The following STXBP5 variants were observed in gnomAD, a reference collection of about 807,000 sequenced individuals.
The protein encoded by STXBP5 is syntaxin binding protein 5.
A neutral mutation model predicts 152.4 loss-of-function variants in STXBP5; 50 were observed. The ratio of observed to expected loss-of-function variants is 0.33; its 90% CI spans 0.26 to 0.42. STXBP5 has a LOEUF of 0.42. STXBP5 is among the 10% of genes least tolerant of loss of function. STXBP5 has a pLI of 1.00. For missense variants in STXBP5, 1,167 were observed against 1,388.6 expected, an observed-to-expected ratio of 0.84 and a Z score of 2.54; for synonymous variants, 492 against 494.7, an observed-to-expected ratio of 0.99 and a Z score of 0.07.
At chr6:147,298,216 G>A (rs952959410) in intron 9 of STXBP5, among the ~76,000 whole-genome samples, 9 of 151,934 alleles carry the variant, frequency 5.9e-5, no homozygotes, top group South Asian at 2.1e-4. Context: ...GATAAAATAG[G>A]CGTTAAATCA....
intron 8 of STXBP5, among the ~76,000 whole-genome samples, chr6:147,290,200 C>T (rs559647560): frequency 6.6e-6 from 1 of 152,058 alleles, no homozygotes; most frequent in South Asian, 2.1e-4. Context: ...AGGAGTGAGA[C>T]CTTGTCTCAA....
chr6:147,257,858 C>T (rs970002877), intron 4 of STXBP5, among the ~76,000 whole-genome samples: 7 of 152,142 alleles, frequency 4.6e-5, no homozygotes, highest in African/African-American at 1.7e-4. Context: ...GCTCATAGTT[C>T]TGTTGGGTCG....
intron 16 of STXBP5, among the ~76,000 whole-genome samples, chr6:147,317,374 A>G (rs1217268398): frequency 1.3e-5 from 2 of 152,174 alleles, no homozygotes; most frequent in South Asian, 2.1e-4. Context: ...TTAGAAAATT[A>G]TATGTTTACA....
chr6:147,303,871 T>A (rs1445727043), intron 9 of STXBP5, among the ~76,000 whole-genome samples: 1 of 152,162 alleles, frequency 6.6e-6, no homozygotes, highest in Non-Finnish European at 1.5e-5. Context: ...GACTGGTGGC[T>A]TTTTGCCCCT....
At chr6:147,382,608 A>G (rs1417879179) in intron 26 of STXBP5, among the ~76,000 whole-genome samples, 170 bp from the exon 27 acceptor site, 1 of 152,186 alleles carries the variant, frequency 6.6e-6, no homozygotes, top group East Asian at 1.9e-4. Flanking sequence ...TCTAAAAATT[A>G]TTAAACCAAT....
At chr6:147,337,192 G>GACAC (rs61074711) in intron 19 of STXBP5, among the ~76,000 whole-genome samples, 36 of 53,946 alleles carry the variant, frequency 6.7e-4, no homozygotes, top group South Asian at 1.8e-3. Context: ...CACATACATA[G>GACAC]ACACACACAC....
At chr6:147,261,005 G>T (rs951095507) in intron 5 of STXBP5, among the ~76,000 whole-genome samples, 1 of 151,932 alleles carries the variant, frequency 6.6e-6, no homozygotes, top group South Asian at 2.1e-4. Context: ...TGTAACACTA[G>T]TTTAAGGAAA....
chr6:147,295,030 G>A (rs940272937), intron 9 of STXBP5, among the ~76,000 whole-genome samples: 31 of 152,098 alleles, frequency 2.0e-4, no homozygotes, highest in Admixed American at 2.0e-3. Context: ...ACCTAACCTC[G>A]CTGACCTTTT....
rs1178446410 is a variant in STXBP5, at chr6:147,363,387, C to T, written c.2598C>T (p.Thr866=). 2.5e-6 allele frequency: 4 copies of T among 1,612,810 alleles called. No homozygotes were observed. In the African/African-American group the frequency reaches 5.4e-5, roughly 22 times the overall value. Reference sequence around the variant, plus strand: ...TCTTGAGAATGGCATTTCTGGATACCACAGGCTGCTTAATACCACCTGCGT... The same window carrying T: ...TCTTGAGAATGGCATTTCTGGATACTACAGGCTGCTTAATACCACCTGCGT... ...GAILRMAFLD[T]TGCLIPPAYE... The change falls in exon 24 of 28, where the codon ACC becomes ACT. Residue 866 remains threonine (T), a synonymous_variant. Transcript: ENST00000321680.
In STXBP5 at chr6:147,293,770, A is replaced by T. The variant is rs971630586; in HGVS notation, c.917+2598A>T. ...CCAATAATATACTCTCAAAACATGC[A>T]GTACTTTTTCTTTCTACAACCCATA... On this transcript the variant is annotated intron_variant, in intron 9 of 27. Transcript: ENST00000321680. Among the ~76,000 whole-genome samples, 3 of 152,204 alleles carry T rather than the reference A, an allele frequency of 2.0e-5. No homozygotes were observed. In the South Asian group the frequency reaches 6.2e-4, roughly 31 times the overall value.
intron 4 of STXBP5, among the ~76,000 whole-genome samples, chr6:147,250,594 T>C (rs1213112905): frequency 1.3e-5 from 2 of 152,068 alleles, no homozygotes; most frequent in African/African-American, 2.4e-5. Flanking sequence ...CAATCCCCCA[T>C]GGATACCAAG....
rs530408818 is a variant in STXBP5 at position 147,246,685 on chromosome 6, AATAAC to A, written c.431+7420_431+7424del. 3.9e-5 allele frequency among the ~76,000 whole-genome samples: 6 copies of A among 152,266 alleles called. No homozygotes were observed. The South Asian group carries it at 1.0e-3, about 26-fold the overall frequency. On this transcript the variant is annotated intron_variant, in intron 4 of 27. Coordinates refer to ENST00000321680, the MANE Select transcript of STXBP5 (RefSeq NM_001127715.4). ...ATGATAGATGCATCATTGTTTAGAG[AATAAC>A]ATAAGTGTGCTTTCATTCTAAAGTA...
intron 10 of STXBP5, 86 bp from the exon 11 acceptor site, chr6:147,311,369 T>C: frequency 8.8e-7 from 1 of 1,133,982 alleles, no homozygotes. Context: ...AGAATGAAAC[T>C]AAATAAAATC....
chr6:147,327,967 G>GA (rs558020252), intron 18 of STXBP5, among the ~76,000 whole-genome samples: 1 of 152,142 alleles, frequency 6.6e-6, no homozygotes, highest in Non-Finnish European at 1.5e-5. Context: ...GGAAAAAAAG[G>GA]AAAATGCAAA....
At chr6:147,290,543 AT>A (rs2128351716) in intron 8 of STXBP5, among the ~76,000 whole-genome samples, 1 of 152,348 alleles carries the variant, frequency 6.6e-6, no homozygotes, top group Non-Finnish European at 1.5e-5. Context: ...TGAAATCAAC[AT>A]TTTAAAAAAT....
At chr6:147,322,603 C>A (rs1782991100) in intron 16 of STXBP5, among the ~76,000 whole-genome samples, 1 of 152,206 alleles carries the variant, frequency 6.6e-6, no homozygotes, top group South Asian at 2.1e-4. Context: ...AGTCTTCCTG[C>A]TGTTCTCTCA....
rs1322154859 is a variant in STXBP5 at position 147,312,735 on chromosome 6, C to T, written c.1146-1149C>T. Among the ~76,000 whole-genome samples, 5 of 152,282 alleles carry T rather than the reference C, an allele frequency of 3.3e-5. No individual in the cohort carries two copies. In the East Asian group the frequency reaches 9.6e-4, roughly 29 times the overall value. ...TCTAAATTTACTTTAGTACCTGCTA[C>T]TTTTACTAATCAATTGTGAGGAGTC... is the stretch of plus-strand genomic sequence containing the variant. On this transcript the variant is annotated intron_variant, in intron 11 of 27. Transcript: ENST00000321680.
intron 8 of STXBP5, among the ~76,000 whole-genome samples, chr6:147,280,598 G>A (rs1780656612): frequency 6.6e-6 from 1 of 152,058 alleles, no homozygotes; most frequent in African/African-American, 2.4e-5. Context: ...ATCTGTTGAT[G>A]TTTCTTAGCT....
chr6:147,216,781 A>G (rs1453302449), intron 2 of STXBP5, among the ~76,000 whole-genome samples: 1 of 152,230 alleles, frequency 6.6e-6, no homozygotes, highest in African/African-American at 2.4e-5. Flanking sequence ...GCATTCACCC[A>G]GAAAGGTTTT....
Sources: allele counts gnomAD v4.1 joint callset (sites outside exome capture counted in the v4.1 genomes callset), GRCh38; gene constraint gnomAD v4.1.1; transcripts MANE v1.5; gene names NCBI Gene and HGNC (gene_info 2026-07-23, HGNC 2026-07-21).